Variants in ARSG observed in about 807,000 individuals in gnomAD.
ARSG encodes ASG.
Under a neutral mutation model 50.5 loss-of-function variants are expected in ARSG, and 37 were observed. The observed-to-expected ratio is 0.73, with a 90% CI of 0.56 to 0.96. The LOEUF is 0.96. Among genes scored for constraint, ARSG ranks in the 50% least tolerant of loss-of-function variants. ARSG has a pLI of 0.00. For synonymous variants in ARSG, 225 were observed against 254.6 expected (o/e 0.88, Z 1.11); for missense variants, 629 against 675.3 (o/e 0.93, Z 0.76).
At chr17:68,398,781 G>T (rs2081357194) in intron 10 of ARSG, among the ~76,000 whole-genome samples, 1 of 152,184 alleles carries the variant, frequency 6.6e-6, no homozygotes, top group Non-Finnish European at 1.5e-5. Flanking sequence ...CTCTAGGGAC[G>T]TTGTCTCTGT....
intron 2 of ARSG, among the ~76,000 whole-genome samples, chr17:68,308,145 A>C (rs1486370113): frequency 2.6e-5 from 4 of 152,100 alleles, no homozygotes; most frequent in Non-Finnish European, 5.9e-5. Flanking sequence ...TTCTACAAAA[A>C]ATAAAAGCAA....
chr17:68,274,012 C>A, intron 1 of ARSG: 1 of 1,614,144 alleles, frequency 6.2e-7, no homozygotes, highest in South Asian at 1.1e-5. Context: ...CAAGTAGCCC[C>A]CCCAACATCA....
intron 1 of ARSG, among the ~76,000 whole-genome samples, chr17:68,273,184 T>A (rs1250461426): frequency 6.6e-6 from 1 of 151,982 alleles, no homozygotes; most frequent in Non-Finnish European, 1.5e-5. Flanking sequence ...ATGAGGAATA[T>A]ATGGCCTCCT....
intron 1 of ARSG, among the ~76,000 whole-genome samples, chr17:68,305,217 G>A (rs1309692478): frequency 6.6e-6 from 1 of 152,060 alleles, no homozygotes; most frequent in Non-Finnish European, 1.5e-5. Context: ...TTTATCCTTG[G>A]CTCCATTTGC....
At chr17:68,352,765 C>A (rs1409050399) in intron 5 of ARSG, among the ~76,000 whole-genome samples, 1 of 152,144 alleles carries the variant, frequency 6.6e-6, no homozygotes, top group African/African-American at 2.4e-5. Context: ...CCACTTCGGC[C>A]TCCCAAAGTG....
chr17:68,341,422 A>C (rs1418067708), intron 2 of ARSG, among the ~76,000 whole-genome samples: 1 of 152,202 alleles, frequency 6.6e-6, no homozygotes, highest in African/African-American at 2.4e-5. Context: ...CCTTGTGGGA[A>C]ACCATTCTTT....
chr17:68,288,570 C>T (rs2075896221), upstream of ARSG, among the ~76,000 whole-genome samples: 1 of 152,084 alleles, frequency 6.6e-6, no homozygotes, highest in Admixed American at 6.6e-5. Context: ...GGAATTTAGG[C>T]AAATCACTTC....
chr17:68,424,959 A>G (rs1286812578), downstream of ARSG, among the ~76,000 whole-genome samples: 5 of 152,246 alleles, frequency 3.3e-5, no homozygotes, highest in African/African-American at 9.6e-5. Context: ...TGAAGCTCAC[A>G]AGAGCGGTCT....
chr17:68,364,310 CA>C (rs371958826), intron 6 of ARSG, among the ~76,000 whole-genome samples: 12 of 150,986 alleles, frequency 7.9e-5, no homozygotes, highest in African/African-American at 1.5e-4. Context: ...GACAAGCAAA[CA>C]AAAAAAAATC....
At chr17:68,375,202 G>A (rs573688295) in intron 8 of ARSG, among the ~76,000 whole-genome samples, 17 of 152,332 alleles carry the variant, frequency 1.1e-4, no homozygotes, top group African/African-American at 2.4e-4. Flanking sequence ...CCTAGGTGAC[G>A]CTGATGTGGT....
the ARSG span, among the ~76,000 whole-genome samples, chr17:68,448,638 C>T: frequency 6.6e-6 from 1 of 152,140 alleles, no homozygotes; most frequent in Admixed American, 6.6e-5. Flanking sequence ...ATCATACAAG[C>T]AAATACAATA....
the ARSG span, chr17:68,444,442 AG>A: frequency 6.6e-7 from 1 of 1,523,168 alleles, no homozygotes; most frequent in Non-Finnish European, 9.0e-7. Context: ...TTGGGAAAGA[AG>A]CACCAGGACA....
At chr17:68,385,206 C>A in intron 9 of ARSG, 34 bp downstream of exon 9, 1 of 1,591,798 alleles carries the variant, frequency 6.3e-7, no homozygotes, top group South Asian at 1.1e-5. Flanking sequence ...GATGTTGGGG[C>A]CCAGAGCAAG....
At chr17:68,360,811 GAA>G (rs2079246969) in intron 6 of ARSG, among the ~76,000 whole-genome samples, 1 of 152,032 alleles carries the variant, frequency 6.6e-6, no homozygotes, top group South Asian at 2.1e-4. Flanking sequence ...CAGCATGTTT[GAA>G]ATCAGACATT....
chr17:68,339,253 G>A (rs567097593), intron 2 of ARSG, among the ~76,000 whole-genome samples: 1 of 151,924 alleles, frequency 6.6e-6, no homozygotes, highest in Non-Finnish European at 1.5e-5. Context: ...AGCCGAGATC[G>A]CACCACTGCA....
intron 5 of ARSG, among the ~76,000 whole-genome samples, chr17:68,352,578 C>T (rs1446851892): frequency 1.3e-5 from 2 of 150,078 alleles, no homozygotes; most frequent in African/African-American, 4.9e-5. Context: ...GGCGCGATCT[C>T]GGCTCACTGC....
intron 2 of ARSG, among the ~76,000 whole-genome samples, chr17:68,331,130 G>A (rs957290191): frequency 2.0e-5 from 3 of 151,490 alleles, no homozygotes; most frequent in Non-Finnish European, 2.9e-5. Context: ...GACTATAGGC[G>A]CCCACCACCA....
intron 8 of ARSG, among the ~76,000 whole-genome samples, chr17:68,382,123 GTA>G (rs2080465455): frequency 1.3e-5 from 2 of 152,002 alleles, no homozygotes; most frequent in South Asian, 4.2e-4. Flanking sequence ...GCTAATTTTT[GTA>G]TTTTTAGTAG....
Position 68,348,699 on chromosome 17 carries a change from A to G in ARSG, c.454+1527A>G, listed in dbSNP as rs368782129. Reference sequence around the variant, plus strand: ...CAGCCTCCCAAGTAGCTGGGACTACAGGTGCCCGCCACCATGCCTGGTTAA... The same window carrying G: ...CAGCCTCCCAAGTAGCTGGGACTACGGGTGCCCGCCACCATGCCTGGTTAA... On this transcript the variant is annotated intron_variant, in intron 4 of 11. Transcript: ENST00000621439. 3.3e-5 allele frequency among the ~76,000 whole-genome samples: 5 copies of G among 152,284 alleles called. No homozygotes were observed. In the East Asian group the frequency reaches 9.7e-4, roughly 29 times the overall value.
Sources: allele counts gnomAD v4.1 joint callset (sites outside exome capture counted in the v4.1 genomes callset), GRCh38; gene constraint gnomAD v4.1.1; transcripts MANE v1.5; gene names NCBI Gene and HGNC (gene_info 2026-07-23, HGNC 2026-07-21).